P4HA1: variants seen among roughly 807,000 people sequenced by gnomAD.
The protein encoded by P4HA1 is prolyl 4-hydroxylase subunit alpha-1.
In P4HA1, 24 loss-of-function variants were observed where a neutral mutation model predicts 72.8. The ratio of observed to expected loss-of-function variants is 0.33; its 90% CI spans 0.24 to 0.46. The LOEUF (loss-of-function observed/expected upper bound fraction) is 0.46, where lower values mean the gene tolerates loss of function less well. P4HA1 is among the 20% of genes least tolerant of loss of function. The pLI, the probability that P4HA1 is intolerant of heterozygous loss-of-function variation, is 1.00. For missense variants in P4HA1, 446 were observed against 640.6 expected (o/e 0.70, Z 3.28); for synonymous variants, 201 against 218.8 (o/e 0.92, Z 0.72).
intron 9 of P4HA1, among the ~76,000 whole-genome samples, chr10:73,039,437 G>T (rs1253610696): frequency 6.6e-6 from 1 of 152,090 alleles, no homozygotes; most frequent in Non-Finnish European, 1.5e-5. Flanking sequence ...CTCCCCAGTA[G>T]TTGGGACCAC....
intron 1 of P4HA1, among the ~76,000 whole-genome samples, chr10:73,075,609 A>G (rs1259090282): frequency 6.6e-6 from 1 of 152,176 alleles, no homozygotes; most frequent in African/African-American, 2.4e-5. Context: ...ATCAATTTAA[A>G]TATTAAATAT....
chr10:73,019,480 TCAAA>T (rs915939697), intron 10 of P4HA1, among the ~76,000 whole-genome samples: 1 of 151,538 alleles, frequency 6.6e-6, no homozygotes, highest in African/African-American at 2.4e-5. Context: ...TTAAGGAAAC[TCAAA>T]CAGATAAAAG....
At chr10:73,037,860 A>G (rs1428276812) in intron 9 of P4HA1, among the ~76,000 whole-genome samples, 1 of 151,680 alleles carries the variant, frequency 6.6e-6, no homozygotes, top group African/African-American at 2.4e-5. Flanking sequence ...AAGCTGAACC[A>G]CTCAAAACTT....
chr10:73,053,308 C>A, intron 6 of P4HA1, 43 bp downstream of exon 6: 2 of 1,574,942 alleles, frequency 1.3e-6, no homozygotes, highest in African/African-American at 1.4e-5. Flanking sequence ...AATATATATC[C>A]CTCAATATAA....
At chr10:73,093,338 C>T (rs1442277944) in intron 1 of P4HA1, among the ~76,000 whole-genome samples, 3 of 152,002 alleles carry the variant, frequency 2.0e-5, no homozygotes, top group African/African-American at 7.3e-5. Flanking sequence ...AATATACTAA[C>T]AGTCATACTG....
chr10:73,025,082 G>A (rs1346476063), intron 10 of P4HA1, among the ~76,000 whole-genome samples: 1 of 152,168 alleles, frequency 6.6e-6, no homozygotes, highest in Non-Finnish European at 1.5e-5. Flanking sequence ...CATTCCTTCT[G>A]AAACTATTCC....
intron 1 of P4HA1, among the ~76,000 whole-genome samples, chr10:73,096,214 C>T (rs1419375925): frequency 6.6e-6 from 1 of 152,232 alleles, no homozygotes; most frequent in Non-Finnish European, 1.5e-5. Context: ...TGAGTTCAGC[C>T]GGAACTTTCT....
chr10:73,038,921 C>A (rs899618072), intron 9 of P4HA1, among the ~76,000 whole-genome samples: 4 of 110,056 alleles, frequency 3.6e-5, no homozygotes, highest in Admixed American at 3.3e-4. Flanking sequence ...CCACCGTGCC[C>A]GGCCTTTATT....
intron 10 of P4HA1, among the ~76,000 whole-genome samples, chr10:73,022,258 T>A (rs1442318585): frequency 6.6e-6 from 1 of 152,102 alleles, no homozygotes; most frequent in Non-Finnish European, 1.5e-5. Flanking sequence ...AGACACCTCA[T>A]ACAGGCGGGT....
chr10:73,068,815 G>T (rs201836470), intron 5 of P4HA1, 31 bp downstream of exon 5: 1 of 1,576,528 alleles, frequency 6.3e-7, no homozygotes, highest in Admixed American at 1.7e-5. Context: ...CTAGGTGATA[G>T]GTATTTTATA....
At chr10:73,072,951 C>T (rs1209846406) in intron 3 of P4HA1, among the ~76,000 whole-genome samples, 2 of 152,094 alleles carry the variant, frequency 1.3e-5, no homozygotes, top group African/African-American at 4.8e-5. Context: ...GGGCAGATCA[C>T]CTGAGGTCAG....
At chr10:73,069,633 T>G (rs1222060533) in intron 4 of P4HA1, among the ~76,000 whole-genome samples, 2 of 152,132 alleles carry the variant, frequency 1.3e-5, no homozygotes, top group East Asian at 3.8e-4. Flanking sequence ...ATATAAAGTA[T>G]GCAAAAATCA....
chr10:73,073,259 T>C (rs1311516900), intron 3 of P4HA1, among the ~76,000 whole-genome samples: 2 of 142,096 alleles, frequency 1.4e-5, no homozygotes, highest in Non-Finnish European at 3.0e-5. Context: ...TCTGGCTCTG[T>C]AGCCTAGGCT....
intron 10 of P4HA1, among the ~76,000 whole-genome samples, chr10:73,028,972 G>C (rs1840366113): frequency 6.6e-6 from 1 of 150,572 alleles, no homozygotes; most frequent in South Asian, 2.1e-4. Context: ...TTGAGCCCAG[G>C]AAGCAGAGGT....
intron 5 of P4HA1, among the ~76,000 whole-genome samples, chr10:73,060,319 C>T (rs1333031889): frequency 1.3e-5 from 2 of 152,164 alleles, no homozygotes; most frequent in Non-Finnish European, 2.9e-5. Flanking sequence ...TATGAACTTA[C>T]ATATTTCCTG....
chr10:73,061,418 T>C (rs961437016), intron 5 of P4HA1, among the ~76,000 whole-genome samples: 3 of 150,706 alleles, frequency 2.0e-5, no homozygotes, highest in African/African-American at 7.4e-5. Flanking sequence ...CTAACCAATG[T>C]CATAAAGAGA....
At chr10:73,016,485 A>C (rs1840009597) in intron 11 of P4HA1, among the ~76,000 whole-genome samples, 2 of 152,192 alleles carry the variant, frequency 1.3e-5, no homozygotes, top group South Asian at 4.1e-4. Flanking sequence ...TTTCTTTAAC[A>C]ATGTAATGCG....
intron 13 of P4HA1, 112 bp downstream of exon 13, chr10:73,010,857 C>G (rs1839897392): frequency 1.3e-6 from 1 of 776,786 alleles, no homozygotes. Flanking sequence ...GAACAGGTCT[C>G]AAAAAATGAA....
chr10:73,014,643 T>C (rs1839976555), intron 11 of P4HA1, among the ~76,000 whole-genome samples: 2 of 152,162 alleles, frequency 1.3e-5, no homozygotes, highest in African/African-American at 4.8e-5. Flanking sequence ...AGCAGACTTA[T>C]TAGCCTAAAC....
Sources: allele counts gnomAD v4.1 joint callset (sites outside exome capture counted in the v4.1 genomes callset), GRCh38; gene constraint gnomAD v4.1.1; transcripts MANE v1.5; gene names NCBI Gene and HGNC (gene_info 2026-07-23, HGNC 2026-07-21).